The following PSMD10 variants were observed in gnomAD, a reference collection of about 807,000 sequenced individuals.
PSMD10 encodes proteasome 26S subunit, non-ATPase 10.
PSMD10 carries 2 observed loss-of-function variants against 13.2 expected under a neutral mutation model. That is an observed-to-expected ratio of 0.15 (90% CI 0.06 to 0.48). The LOEUF is 0.48. PSMD10 is among the 20% of genes least tolerant of loss of function. The pLI is 0.97. For synonymous variants in PSMD10, 66 were observed against 64.4 expected, an observed-to-expected ratio of 1.03 and a Z score of -0.12; for missense variants, 120 against 167.4, an observed-to-expected ratio of 0.72 and a Z score of 1.56.
At position 108,088,001 on chromosome X, in the gene PSMD10, T is replaced by C; in HGVS notation, c.312A>G (p.Gln104=). ...GKGAQVNAVN[Q]NGCTPLHYAA... is the part of the protein sequence containing the mutation. ...CATAATGTAAGGGAGTACAGCCATT[T>C]TGATTGACAGCATTCACTTGAGCAC... The change falls in exon 3 of 5, where the codon CAA becomes CAG. Residue 104 remains glutamine (Q), a synonymous_variant. Transcript: ENST00000217958. The C allele has an allele frequency of 1.7e-6, 2 of 1,211,502 alleles. No homozygotes were observed. Among genetic ancestry groups the C allele is most frequent in the East Asian group, 3.0e-5 (1 of 33,836 alleles).
chrX:108,087,862 T>C lies in PSMD10; in HGVS notation c.361-10A>G, dbSNP rs1569295747. 4 of 1,211,359 alleles carry C rather than the reference T, an allele frequency of 3.3e-6. No individual in the cohort carries two copies. Among genetic ancestry groups the C allele is most frequent in the Admixed American group, 4.3e-5 (2 of 46,035 alleles). ...GTAACATGACAGCGATCTGGAAAGA[T>C]GGAGAAGAAAGAAGAAAACAATGCA... On this transcript the variant is annotated splice_polypyrimidine_tract_variant and intron_variant, in intron 3 of 4. Coordinates refer to ENST00000217958, the MANE Select transcript of PSMD10 (RefSeq NM_002814.4).
chrX:108,089,539 A>T (rs1177796671), intron 1 of PSMD10, among the ~76,000 whole-genome samples: 1 of 112,681 alleles, frequency 8.9e-6, no homozygotes, highest in African/African-American at 3.2e-5. Flanking sequence ...TTTTATAAAA[A>T]ATAATAAGCT....
At chrX:108,087,506 G>T in intron 4 of PSMD10, 180 bp downstream of exon 4, 1 of 553,372 alleles carries the variant, frequency 1.8e-6, no homozygotes, top group Non-Finnish European at 2.7e-6. Flanking sequence ...GTGATCAGTA[G>T]TTATTTCTGA....
chrX:108,087,616 T>C (rs1458055134), intron 4 of PSMD10, 70 bp downstream of exon 4: 8 of 1,128,672 alleles, frequency 7.1e-6, no homozygotes, highest in Non-Finnish European at 8.2e-6. Context: ...AAAAAAGAAA[T>C]GATGTATAAG....
chrX:108,087,355 T>A (rs1465389554), intron 4 of PSMD10: 2 of 143,376 alleles, frequency 1.4e-5, no homozygotes, highest in African/African-American at 6.3e-5. Flanking sequence ...TTAAACATAT[T>A]TAATATATGC....
At chrX:108,090,950 T>C (rs2031595111) in intron 1 of PSMD10, among the ~76,000 whole-genome samples, 1 of 112,717 alleles carries the variant, frequency 8.9e-6, no homozygotes, top group Non-Finnish European at 1.9e-5. Context: ...GCCGAGTATT[T>C]ACCACAATTT....
In PSMD10 at chrX:108,091,432, T is replaced by C. The variant is rs1388703561; in HGVS notation, c.89A>G (p.Lys30Arg). Residue 30 changes from lysine to arginine, a missense_variant, in exon 1 of 5, where the codon AAA becomes AGA. By Grantham distance (26) the Lys-to-Arg change is conservative. This residue lies in a region of PSMD10 where 32 missense variants were observed against 26.2 expected (regional missense o/e 1.22). Transcript: ENST00000217958. ...EELKESILAD[K>R]SLATRTDQDS... ...CTGGTCAGTTCTAGTAGCCAGGGAT[T>C]TATCGGCCAGAATACTCTCCTTCAA... 2 of 1,211,101 alleles carry C rather than the reference T, an allele frequency of 1.7e-6. No individual in the cohort carries two copies. Among genetic ancestry groups the C allele is most frequent in the African/African-American group, 3.5e-5 (2 of 57,554 alleles).
chrX:108,089,556 G>A (rs1177677678), intron 1 of PSMD10, among the ~76,000 whole-genome samples: 5 of 112,089 alleles, frequency 4.5e-5, no homozygotes, highest in Admixed American at 9.4e-5. Flanking sequence ...AGCTATGGCC[G>A]GGTGCGGTGG....
chrX:108,087,617 G>C, intron 4 of PSMD10, 69 bp downstream of exon 4: 1 of 1,131,179 alleles, frequency 8.8e-7, no homozygotes, highest in Non-Finnish European at 1.2e-6. Flanking sequence ...AAAAAGAAAT[G>C]ATGTATAAGA....
At chrX:108,087,597 A>G in intron 4 of PSMD10, 89 bp downstream of exon 4, 1 of 1,105,065 alleles carries the variant, frequency 9.0e-7, no homozygotes, top group Non-Finnish European at 1.2e-6. Context: ...TGCATTTATA[A>G]GCAGAATAAA....
rs765197571 is a variant in PSMD10, at chrX:108,087,935, C to T, written c.360+18G>A. The T allele has an allele frequency of 9.1e-6, 11 of 1,211,656 alleles. No homozygotes were observed. The highest frequency in any genetic ancestry group is 1.7e-5 in the African/African-American group (1 of 57,813). On this transcript the variant is annotated intron_variant, in intron 3 of 4. Transcript: ENST00000217958. ...CACGTTTAGAACTCAACAGAAGTAG[C>T]CTAGGATGGAACCATACCTCATGCC... is the stretch of plus-strand genomic sequence containing the variant.
At chrX:108,085,313 T>G (rs891781648) in intron 4 of PSMD10, among the ~76,000 whole-genome samples, 186 bp from the exon 5 acceptor site, 2 of 112,451 alleles carry the variant, frequency 1.8e-5, no homozygotes, top group African/African-American at 3.2e-5. Flanking sequence ...AAAAAAGCCT[T>G]GTAATACCAG....
intron 2 of PSMD10, 133 bp from the exon 3 acceptor site, chrX:108,088,232 C>A: frequency 1.6e-6 from 1 of 623,307 alleles, no homozygotes; most frequent in Non-Finnish European, 2.4e-6. Flanking sequence ...TCCATTCTTA[C>A]TCTTCACAAA....
chrX:108,090,508 G>A (rs996682236), intron 1 of PSMD10, among the ~76,000 whole-genome samples: 1 of 111,932 alleles, frequency 8.9e-6, no homozygotes, highest in Non-Finnish European at 1.9e-5. Flanking sequence ...TAAAGATAAG[G>A]CCATTTTCAG....
chrX:108,085,484 C>G (rs1033443967), intron 4 of PSMD10, among the ~76,000 whole-genome samples: 4 of 112,632 alleles, frequency 3.6e-5, no homozygotes, highest in African/African-American at 1.3e-4. Flanking sequence ...AGTTCATAAA[C>G]TGTTAATAGT....
In PSMD10 at chrX:108,088,755, G is replaced by A. The variant is rs146134320; in HGVS notation, c.210C>T (p.Asp70=). ...LQLGVPVNDK[D]DAGWSPLHIA... is the part of the protein sequence containing the mutation. Reference sequence around the variant, plus strand: ...TCAACTTTATCAAAGTACTCACATCGTCTTTATCATTCACTGGCACTCCAA... The same window carrying A: ...TCAACTTTATCAAAGTACTCACATCATCTTTATCATTCACTGGCACTCCAA... Residue 70 remains aspartate, a synonymous_variant, in exon 2 of 5, where the codon GAC becomes GAT. Transcript: ENST00000217958. 1.8e-5 allele frequency: 21 copies of A among 1,194,108 alleles called. No individual in the cohort carries two copies. The Middle Eastern group carries it at 1.6e-3, about 93-fold the overall frequency.
intron 2 of PSMD10, 87 bp downstream of exon 2, chrX:108,088,665 A>C: frequency 1.4e-6 from 1 of 729,166 alleles, no homozygotes. Context: ...TTTCTTTATA[A>C]GCTTAATGCA....
chrX:108,084,954 T>A lies in PSMD10; in HGVS notation c.*20A>T. ...GGGGACAACAACACAACATACAAAG[T>A]AAGAATAAATCCAAGCTGTTTAACC... On this transcript the variant is annotated 3_prime_UTR_variant, in exon 5 of 5. Coordinates refer to ENST00000217958, the MANE Select transcript of PSMD10 (RefSeq NM_002814.4). The A allele has an allele frequency of 2.5e-6, 3 of 1,178,786 alleles. No individual in the cohort carries two copies. In the Admixed American group the frequency reaches 7.2e-5, roughly 28 times the overall value.
intron 1 of PSMD10, among the ~76,000 whole-genome samples, chrX:108,089,682 A>G (rs1286828247): frequency 9.1e-6 from 1 of 109,991 alleles, no homozygotes. Flanking sequence ...AAAATACAAA[A>G]GTTAGCCAGG....
Sources: gnomAD v4.1 joint callset for allele counts (sites outside exome capture counted in the v4.1 genomes callset) on GRCh38, gnomAD v4.1.1 for gene constraint, gnomAD v4.1.1 regional missense constraint, MANE v1.5 for transcripts, NCBI Gene and HGNC (gene_info 2026-07-23, HGNC 2026-07-21) for gene names.